PAM16: variants seen among roughly 807,000 people sequenced by gnomAD.
PAM16 encodes the protein mitochondrial import inner membrane translocase subunit TIM16.
PAM16 carries 11 observed loss-of-function variants against 17.9 expected under a neutral mutation model. The observed-to-expected ratio is 0.62, with a 90% confidence interval of 0.39 to 1.02. The LOEUF (loss-of-function observed/expected upper bound fraction) is 1.02, where lower values mean the gene tolerates loss of function less well. PAM16 is among the 50% of genes least tolerant of loss of function. The pLI is 0.01. For synonymous variants in PAM16, 72 were observed against 67.4 expected, an observed-to-expected ratio of 1.07 and a Z score of -0.34; for missense variants, 199 against 165.4, an observed-to-expected ratio of 1.20 and a Z score of -1.11.
At chr16:4,350,726 G>C (rs777585905) in intron 1 of PAM16, among the ~76,000 whole-genome samples, 1 of 152,166 alleles carries the variant, frequency 6.6e-6, no homozygotes, top group Non-Finnish European at 1.5e-5. Context: ...AGCTACCCTA[G>C]GTGACCTGAC....
intron 1 of PAM16, among the ~76,000 whole-genome samples, chr16:4,350,602 C>T (rs1187627312): frequency 6.6e-6 from 1 of 152,050 alleles, no homozygotes; most frequent in Non-Finnish European, 1.5e-5. Flanking sequence ...CGGGTTTCAT[C>T]ATGTTGGCCA....
intron 1 of PAM16, chr16:4,345,787 T>C: frequency 1.0e-6 from 1 of 970,562 alleles, no homozygotes; most frequent in Non-Finnish European, 1.2e-6. Context: ...CGGTCTCACC[T>C]GACTTCGCCT....
intron 1 of PAM16, chr16:4,344,078 C>A: frequency 2.5e-6 from 1 of 397,888 alleles, no homozygotes; most frequent in Non-Finnish European, 4.4e-6. Flanking sequence ...CATGCCGGAA[C>A]ACTGCACGTG....
intron 1 of PAM16, chr16:4,348,538 G>A (rs2053793720): frequency 1.3e-5 from 2 of 152,370 alleles, no homozygotes; most frequent in South Asian, 4.1e-4. Flanking sequence ...CCTCCACCTT[G>A]AACATCCTCC....
intron 4 of PAM16, 134 bp from the exon 5 acceptor site, chr16:4,340,539 A>C (rs2053627440): frequency 1.0e-6 from 1 of 989,928 alleles, no homozygotes. Flanking sequence ...TGCTTCCTTC[A>C]GTGGCACCCC....
chr16:4,349,397 T>C (rs1208832477), intron 1 of PAM16, among the ~76,000 whole-genome samples: 1 of 152,130 alleles, frequency 6.6e-6, no homozygotes, highest in Non-Finnish European at 1.5e-5. Context: ...CGAAACTGCA[T>C]CTCTACAAAA....
In PAM16 at chr16:4,340,778, G is replaced by A. The variant is rs1042833617; in HGVS notation, c.291+142C>T. Reference sequence around the variant, plus strand: ...TGGCAGTTCAGGGGGCCTCCCTGAGGCTGGGGCACCATGGGAAAGCCTGGC... The same window carrying A: ...TGGCAGTTCAGGGGGCCTCCCTGAGACTGGGGCACCATGGGAAAGCCTGGC... On this transcript the variant is annotated intron_variant, in intron 4 of 4. Coordinates refer to ENST00000318059, the MANE Select transcript of PAM16 (RefSeq NM_016069.11). The A allele has an allele frequency of 5.5e-6, 6 of 1,098,088 alleles. No homozygotes were observed. In the Admixed American group the frequency reaches 1.1e-4, roughly 20 times the overall value. 68.0% of individuals were successfully genotyped at this position (1,098,088 alleles called of 1,614,324 possible).
chr16:4,349,745 CGACA>C (rs1436895544), intron 1 of PAM16, among the ~76,000 whole-genome samples: 2 of 152,018 alleles, frequency 1.3e-5, no homozygotes, highest in South Asian at 2.1e-4. Context: ...CTAGCCGGGG[CGACA>C]GACAGACATC....
At chr16:4,348,162 C>T (rs1215969475) in intron 1 of PAM16, 1 of 152,270 alleles carries the variant, frequency 6.6e-6, no homozygotes, top group Non-Finnish European at 1.5e-5. Flanking sequence ...AGGACCACAA[C>T]TGTAGCACGT....
At chr16:4,341,222 C>G in intron 3 of PAM16, 146 bp downstream of exon 3, 1 of 1,371,842 alleles carries the variant, frequency 7.3e-7, no homozygotes, top group East Asian at 2.5e-5. Context: ...TAAAACTTCA[C>G]GAGCAACAGT....
chr16:4,350,733 T>C (rs2053838924), intron 1 of PAM16, among the ~76,000 whole-genome samples: 1 of 152,124 alleles, frequency 6.6e-6, no homozygotes, highest in Non-Finnish European at 1.5e-5. Flanking sequence ...CTAGGTGACC[T>C]GACAGTGTGG....
rs1384092935 is a variant in PAM16 at position 4,340,920 on chromosome 16, C to A, written c.291G>T (p.Lys97Asn). ...CCTCCCAGAATCAAAGACCACTCAC[C>A]TTTGACTGCAGGTAGAAGGAGCCAC... ...SVGGSFYLQS[K>N]VVRAKERLDE... Residue 97 changes from lysine to asparagine, a missense_variant and splice_region_variant, in exon 4 of 5, where the codon AAG becomes AAT. By Grantham distance (94) the Lys-to-Asn change is moderately conservative. Transcript: ENST00000318059. The A allele has an allele frequency of 1.9e-6, 3 of 1,613,470 alleles. No individual in the cohort carries two copies. The African/African-American group carries it at 4.0e-5, about 22-fold the overall frequency.
At chr16:4,351,114 C>T (rs1046020712) in intron 1 of PAM16, 118 bp downstream of exon 1, 7 of 485,542 alleles carry the variant, frequency 1.4e-5, no homozygotes, top group African/African-American at 1.4e-4. Flanking sequence ...CCATGCTTCC[C>T]GCCGGGCACG....
intron 1 of PAM16, 34 bp downstream of exon 1, chr16:4,351,198 T>G: frequency 7.5e-7 from 1 of 1,330,514 alleles, no homozygotes; most frequent in Non-Finnish European, 9.8e-7. Flanking sequence ...CGACTCGGCT[T>G]CCCCTCCCCG....
At chr16:4,346,042 A>G (rs2053753345) in intron 1 of PAM16, 6 of 901,308 alleles carry the variant, frequency 6.7e-6, no homozygotes, top group Non-Finnish European at 8.0e-6. Flanking sequence ...AGCTGAGGTC[A>G]TAACTGGGGA....
chr16:4,341,791 C>A, intron 2 of PAM16: 1 of 453,904 alleles, frequency 2.2e-6, no homozygotes, highest in East Asian at 3.7e-5. Context: ...ACCCCCATAT[C>A]CCAGGGGAAC....
At chr16:4,342,436 C>T (rs1263049981) in intron 2 of PAM16, among the ~76,000 whole-genome samples, 2 of 151,758 alleles carry the variant, frequency 1.3e-5, no homozygotes, top group Admixed American at 6.6e-5. Context: ...GGGCATATCA[C>T]GTGAGGTTGG....
intron 2 of PAM16, chr16:4,341,767 G>A (rs1451426507): frequency 3.8e-6 from 2 of 533,316 alleles, no homozygotes; most frequent in South Asian, 2.6e-5. Flanking sequence ...ACCATGAGAT[G>A]ACCCTGTCCC....
intron 1 of PAM16, chr16:4,346,092 G>T (rs2053754712): frequency 2.0e-6 from 1 of 495,040 alleles, no homozygotes; most frequent in Non-Finnish European, 2.6e-6. Flanking sequence ...AACCAAAGCG[G>T]CGTGGTGGCC....
Sources: gnomAD v4.1 joint callset for allele counts (sites outside exome capture counted in the v4.1 genomes callset) on GRCh38, gnomAD v4.1.1 for gene constraint, MANE v1.5 for transcripts, NCBI Gene and HGNC (gene_info 2026-07-23, HGNC 2026-07-21) for gene names.